The following C19orf38 variants were observed in gnomAD, a reference collection of about 807,000 sequenced individuals.
C19orf38 encodes protein HIDE1.
Under a neutral mutation model 26.6 loss-of-function variants are expected in C19orf38, and 14 were observed. The observed-to-expected ratio is 0.53, with a 90% CI of 0.35 to 0.82. The LOEUF (loss-of-function observed/expected upper bound fraction) is 0.82. Among genes scored for constraint, C19orf38 ranks in the 40% least tolerant of loss-of-function variants. C19orf38 has a pLI of 0.01. For synonymous variants in C19orf38, 132 were observed against 128.5 expected, an observed-to-expected ratio of 1.03 and a Z score of -0.18; for missense variants, 261 against 299.5, an observed-to-expected ratio of 0.87 and a Z score of 0.95.
At chr19:10,861,608 CAT>C (rs1375396786) in intron 5 of C19orf38, among the ~76,000 whole-genome samples, 1 of 152,094 alleles carries the variant, frequency 6.6e-6, no homozygotes, top group East Asian at 1.9e-4. Flanking sequence ...GATGGAGTCT[CAT>C]TGTGTCGCCC....
At chr19:10,837,698 G>C (rs2073446685) in intron 1 of C19orf38, among the ~76,000 whole-genome samples, 1 of 151,138 alleles carries the variant, frequency 6.6e-6, no homozygotes, top group African/African-American at 2.4e-5. Context: ...TAGTAGAGAG[G>C]GGGTTTCACC....
chr19:10,847,574 C>T (rs966588972), upstream of C19orf38, among the ~76,000 whole-genome samples: 6 of 151,102 alleles, frequency 4.0e-5, no homozygotes, highest in South Asian at 2.1e-4. Flanking sequence ...GGTTTCACCA[C>T]GTTGGCCTGG....
intron 2 of C19orf38, among the ~76,000 whole-genome samples, chr19:10,854,059 CT>C (rs879350125): frequency 2.6e-3 from 372 of 141,150 alleles, no homozygotes; most frequent in Middle Eastern, 0.011. Flanking sequence ...TCTGTAAAAA[CT>C]TTTTTTTTTT....
upstream of C19orf38, among the ~76,000 whole-genome samples, chr19:10,843,603 CAGTT>C (rs78462226): frequency 0.04 from 6,037 of 152,282 alleles, 476 homozygotes; most frequent in East Asian, 0.36. Flanking sequence ...GCTCAGTACT[CAGTT>C]GGTGGAAAAA....
chr19:10,844,232 CT>C (rs1313850470), upstream of C19orf38, among the ~76,000 whole-genome samples: 1 of 150,866 alleles, frequency 6.6e-6, no homozygotes, highest in East Asian at 2.0e-4. Flanking sequence ...TGGTGAAACC[CT>C]GTCTCTACTA....
rs1458869208 is a variant in C19orf38 at position 10,869,442 on chromosome 19, C to T, written c.*75C>T. On this transcript the variant is annotated 3_prime_UTR_variant, in exon 7 of 7. Transcript: ENST00000397820. ...GTCCCTCCAGCTACTTCTGGGGGGG[C>T]TCTGTCAGCCACTTTCTCAGGGAAT... 66 of 1,447,560 alleles carry T rather than the reference C, an allele frequency of 4.6e-5. No homozygotes were observed. The highest frequency in any genetic ancestry group is 5.9e-5 in the Non-Finnish European group (65 of 1,093,938). 89.7% of individuals were successfully genotyped at this position (1,447,560 alleles called of 1,614,324 possible). A position where few individuals can be genotyped will look rare whatever the true frequency, so the allele number is the denominator to read the frequency against.
rs1055506987 is a variant in C19orf38, at chr19:10,841,892, T to C, written c.-69+5122T>C. The C allele has an allele frequency of 6.9e-6, 11 of 1,586,566 alleles. No individual in the cohort carries two copies. The African/African-American group carries it at 8.1e-5, about 12-fold the overall frequency. Reference sequence around the variant, plus strand: ...TGGGAGGATCTGTCTACTTTTCTTATCCTGATTCAAATGGAATGCCAGTGT... The same window carrying C: ...TGGGAGGATCTGTCTACTTTTCTTACCCTGATTCAAATGGAATGCCAGTGT... On this transcript the variant is annotated intron_variant, in intron 1 of 7. Coordinates refer to the C19orf38 transcript ENST00000592854.
At chr19:10,857,366 A>ATTTTTTTTTTTTT (rs773726753) in intron 3 of C19orf38, among the ~76,000 whole-genome samples, 1 of 56,102 alleles carries the variant, frequency 1.8e-5, no homozygotes, top group Non-Finnish European at 2.6e-5. Flanking sequence ...ATATATATAT[A>ATTTTTTTTTTTTT]TTTTTTTTTT....
intron 1 of C19orf38, among the ~76,000 whole-genome samples, chr19:10,838,605 C>G (rs989023231): frequency 2.3e-4 from 35 of 151,936 alleles, no homozygotes; most frequent in Admixed American, 1.6e-3. Flanking sequence ...CTCACAGCCA[C>G]GAAGAACAAG....
chr19:10,858,196 C>G (rs1270450706), intron 3 of C19orf38, 120 bp from the exon 4 acceptor site: 1 of 1,020,896 alleles, frequency 9.8e-7, no homozygotes, highest in African/African-American at 1.8e-5. Flanking sequence ...CCACTGCACT[C>G]CAGCCTGGGT....
At chr19:10,859,829 G>C in intron 4 of C19orf38, 86 bp from the exon 5 acceptor site, 1 of 1,308,798 alleles carries the variant, frequency 7.6e-7, no homozygotes, top group South Asian at 1.3e-5. Context: ...TTTGGGTGTG[G>C]TTTGGGGCCA....
intron 6 of C19orf38, among the ~76,000 whole-genome samples, chr19:10,866,357 A>ATTTTTTT (rs71164128): frequency 4.8e-5 from 6 of 125,644 alleles, no homozygotes; most frequent in Non-Finnish European, 6.6e-5. Flanking sequence ...TGCCCAGCTA[A>ATTTTTTT]TTTTTTTTTT....
chr19:10,842,238 T>C (rs370759837), intron 1 of C19orf38: 2 of 1,200,120 alleles, frequency 1.7e-6, no homozygotes, highest in African/African-American at 1.5e-5. Context: ...GAACCATCTC[T>C]TGGAAAACAT....
chr19:10,854,161 C>G (rs1224104528), intron 2 of C19orf38, among the ~76,000 whole-genome samples: 1 of 151,820 alleles, frequency 6.6e-6, no homozygotes, highest in Middle Eastern at 3.4e-3. Context: ...CTCCCAGGCT[C>G]AAGCGATTCT....
At chr19:10,847,119 TA>T (rs2073524611), upstream of C19orf38, among the ~76,000 whole-genome samples, 1 of 152,184 alleles carries the variant, frequency 6.6e-6, no homozygotes, top group Non-Finnish European at 1.5e-5. Flanking sequence ...CAGAAATGTT[TA>T]AAAAGATAAA....
chr19:10,861,279 C>T (rs2073695680), intron 5 of C19orf38, among the ~76,000 whole-genome samples: 1 of 152,266 alleles, frequency 6.6e-6, no homozygotes, highest in South Asian at 2.1e-4. Context: ...CAGGGCCACA[C>T]TTGCCTTCCA....
intron 3 of C19orf38, among the ~76,000 whole-genome samples, chr19:10,857,360 ATATATAT>A (rs1228764757): frequency 1.2e-5 from 1 of 82,086 alleles, no homozygotes; most frequent in Non-Finnish European, 2.0e-5. Flanking sequence ...ATATATATAT[ATATATAT>A]TTTTTTTTTT....
intron 3 of C19orf38, among the ~76,000 whole-genome samples, chr19:10,857,368 T>A (rs866573703): frequency 0.035 from 1,521 of 43,948 alleles, 15 homozygotes; most frequent in South Asian, 0.05. Context: ...ATATATATAT[T>A]TTTTTTTTTT....
chr19:10,842,677 C>T (rs2073487011), intron 1 of C19orf38, among the ~76,000 whole-genome samples: 1 of 152,070 alleles, frequency 6.6e-6, no homozygotes, highest in Admixed American at 6.6e-5. Flanking sequence ...GTTGAGGCTG[C>T]AGTGAGCCAT....
Sources: allele counts gnomAD v4.1 joint callset (sites outside exome capture counted in the v4.1 genomes callset), GRCh38; gene constraint gnomAD v4.1.1; transcripts MANE v1.5; gene names NCBI Gene and HGNC (gene_info 2026-07-23, HGNC 2026-07-21).